Variants in PNPLA7 observed in about 807,000 individuals in gnomAD.
PNPLA7 encodes patatin like domain 7, lysophospholipase, also known as patatin-like phospholipase domain-containing protein 7.
In PNPLA7, 153 loss-of-function variants were observed where a neutral mutation model predicts 161.7. The ratio of observed to expected loss-of-function variants is 0.95; its 90% CI spans 0.83 to 1.08. The LOEUF is 1.08. Among genes scored for constraint, PNPLA7 ranks in the 50% least tolerant of loss-of-function variants. PNPLA7 has a pLI of 0.00. For synonymous variants in PNPLA7, 809 were observed against 782.1 expected (o/e 1.03, Z -0.57); for missense variants, 1,739 against 1,856.6 (o/e 0.94, Z 1.16).
chr9:137,460,207 A>G lies in PNPLA7; in HGVS notation c.*186T>C. ...CTCACAGGACTGCAGGGGGGCTCAC[A>G]GGGCCCTGTATGCAGGGCTGCTGGT... On this transcript the variant is annotated 3_prime_UTR_variant, in exon 35 of 35. Coordinates refer to ENST00000406427, the MANE Select transcript of PNPLA7 (RefSeq NM_001098537.3). 2 of 567,608 alleles carry G rather than the reference A, an allele frequency of 3.5e-6. No homozygotes were observed. The allele number at this position is 567,608 out of a possible 1,614,324, so 35.2% of individuals were successfully genotyped here.
At chr9:137,491,168 G>A (rs910036591) in intron 20 of PNPLA7, among the ~76,000 whole-genome samples, 1 of 152,170 alleles carries the variant, frequency 6.6e-6, no homozygotes, top group Non-Finnish European at 1.5e-5. Flanking sequence ...CTGAGGGGGG[G>A]GGAATCACTT....
intron 12 of PNPLA7, among the ~76,000 whole-genome samples, chr9:137,513,522 G>A (rs1834346825): frequency 6.6e-6 from 1 of 151,820 alleles, no homozygotes; most frequent in South Asian, 2.1e-4. Context: ...AATAGTCTTT[G>A]GAAAATTTAT....
intron 8 of PNPLA7, among the ~76,000 whole-genome samples, chr9:137,534,056 T>C (rs1172183783): frequency 6.8e-6 from 1 of 146,044 alleles, no homozygotes; most frequent in Non-Finnish European, 1.5e-5. Flanking sequence ...CCCAGACTCC[T>C]CCCCAACAGT....
intron 12 of PNPLA7, among the ~76,000 whole-genome samples, chr9:137,512,454 G>T (rs149031279): frequency 1.8e-3 from 281 of 152,378 alleles, no homozygotes; most frequent in Non-Finnish European, 2.4e-3. Context: ...GCAGGCAGCC[G>T]TGGTGGGGAG....
chr9:137,461,606 G>A lies in PNPLA7; in HGVS notation c.3771C>T (p.Pro1257=). ...CGGCAAGGTCCGTGAAGGAGGCGTT[G>A]GGACAGGTGAGGACCTAGGGGTGGG... ...KKPASAVLTC[P]NASFTDLAEI... The change falls in exon 33 of 35, where the codon CCC becomes CCT. Residue 1257 remains proline, a synonymous_variant. Coordinates refer to ENST00000406427, the MANE Select transcript of PNPLA7 (RefSeq NM_001098537.3). The A allele has an allele frequency of 6.2e-7, 1 of 1,612,424 alleles. No homozygotes were observed. Among genetic ancestry groups the A allele is most frequent in the Non-Finnish European group, 8.5e-7 (1 of 1,179,472 alleles).
chr9:137,514,025 G>A (rs146090206), intron 12 of PNPLA7, among the ~76,000 whole-genome samples: 114 of 152,374 alleles, frequency 7.5e-4, no homozygotes, highest in Middle Eastern at 3.4e-3. Flanking sequence ...AGGCTGCCCT[G>A]AAAATGCCCT....
chr9:137,479,596 G>T (rs1407990091), intron 23 of PNPLA7: 1 of 985,368 alleles, frequency 1.0e-6, no homozygotes, highest in Non-Finnish European at 1.2e-6. Context: ...ATACATCAGA[G>T]AGGAGGAATT....
chr9:137,479,402 A>G (rs1487075408), intron 23 of PNPLA7, 164 bp from the exon 24 acceptor site: 1 of 1,306,638 alleles, frequency 7.7e-7, no homozygotes, highest in Non-Finnish European at 9.7e-7. Flanking sequence ...GCGCTGCCGA[A>G]GCTCTGACGG....
chr9:137,538,616 G>A (rs545502877), intron 8 of PNPLA7, among the ~76,000 whole-genome samples: 3 of 152,362 alleles, frequency 2.0e-5, no homozygotes, highest in Admixed American at 6.5e-5. Flanking sequence ...TGCAAAAGGT[G>A]TAACTCAAAA....
Position 137,464,333 on chromosome 9 carries a change from G to T in PNPLA7, c.3156+7C>A. On this transcript the variant is annotated splice_region_variant and intron_variant, in intron 27 of 34. Transcript: ENST00000406427. ...GGCTGCATGGGCTCCTGAGGGTGGG[G>T]GTGCACCTCGATCTGCTGGTCCTTG... 6.2e-7 allele frequency: 1 copy of T among 1,612,386 alleles called. No homozygotes were observed. The highest frequency in any genetic ancestry group is 8.5e-7 in the Non-Finnish European group (1 of 1,178,886).
chr9:137,530,742 C>T (rs1158213772), intron 8 of PNPLA7, among the ~76,000 whole-genome samples: 3 of 152,188 alleles, frequency 2.0e-5, no homozygotes, highest in Non-Finnish European at 4.4e-5. Flanking sequence ...TCTTTGAGAG[C>T]CTGAATGAAG....
intron 32 of PNPLA7, 59 bp downstream of exon 32, chr9:137,461,872 G>A (rs951145129): frequency 2.0e-4 from 296 of 1,467,132 alleles, no homozygotes; most frequent in Non-Finnish European, 2.1e-4. Flanking sequence ...GCGTGGGCGT[G>A]GCCCGAAGAA....
Position 137,460,494 on chromosome 9 carries a change from G to A in PNPLA7, c.3946-18C>T, listed in dbSNP as rs1354667860. ...TCGTCCTCCTGCAAGCAGACCGCATGTTCCAGGTGAGGACCAGGCAGGGCA... is the reference window on the plus strand; with the variant it reads ...TCGTCCTCCTGCAAGCAGACCGCATATTCCAGGTGAGGACCAGGCAGGGCA... On this transcript the variant is annotated intron_variant, in intron 34 of 34. Coordinates refer to ENST00000406427, the MANE Select transcript of PNPLA7 (RefSeq NM_001098537.3). 1 of 1,611,862 alleles carries A rather than the reference G, an allele frequency of 6.2e-7. No individual in the cohort carries two copies. Among genetic ancestry groups the A allele is most frequent in the East Asian group, 2.2e-5 (1 of 44,886 alleles).
chr9:137,493,775 G>A (rs913867003), intron 19 of PNPLA7, among the ~76,000 whole-genome samples: 3 of 152,254 alleles, frequency 2.0e-5, no homozygotes, highest in African/African-American at 4.8e-5. Context: ...CAAAGATGGA[G>A]GAGTGGCCTG....
At chr9:137,527,298 A>T (rs1228614523) in intron 8 of PNPLA7, among the ~76,000 whole-genome samples, 2 of 132,242 alleles carry the variant, frequency 1.5e-5, no homozygotes, top group African/African-American at 6.1e-5. Context: ...AAAACAAAAA[A>T]ACAAAAAAAA....
At chr9:137,487,681 GT>G (rs1451262443) in intron 20 of PNPLA7, among the ~76,000 whole-genome samples, 4 of 152,236 alleles carry the variant, frequency 2.6e-5, no homozygotes, top group Non-Finnish European at 5.9e-5. Flanking sequence ...CTCCACACGT[GT>G]TCCTCCTGGC....
At position 137,481,008 on chromosome 9, in the gene PNPLA7, A is replaced by T; in HGVS notation, c.2363T>A (p.Leu788Gln). 1.3e-6 allele frequency: 2 copies of T among 1,551,680 alleles called. No homozygotes were observed. Among genetic ancestry groups the T allele is most frequent in the Non-Finnish European group, 1.7e-6 (2 of 1,146,972 alleles). ...GCGCCGTTTTATGTTGTCACTAGTC[A>T]GCAGCAGGGTCGGGCCTGAAAACAC... is the stretch of plus-strand genomic sequence containing the variant. ...ALSAIGPTLL[L>Q]TSDNIKRRLG... Residue 788 changes from leucine to glutamine, a missense_variant, in exon 22 of 35, where the codon CTG becomes CAG. By Grantham distance (113) the Leu-to-Gln change is moderately radical (BLOSUM62 -2). Coordinates refer to ENST00000406427, the MANE Select transcript of PNPLA7 (RefSeq NM_001098537.3).
At chr9:137,498,968 T>G (rs1588609277) in intron 16 of PNPLA7, among the ~76,000 whole-genome samples, 1 of 142,320 alleles carries the variant, frequency 7.0e-6, no homozygotes, top group African/African-American at 2.6e-5. Flanking sequence ...GCACAGGAGG[T>G]GGGGGAAGCT....
At chr9:137,471,555 G>A (rs936659955) in intron 25 of PNPLA7, among the ~76,000 whole-genome samples, 2 of 144,336 alleles carry the variant, frequency 1.4e-5, no homozygotes, top group East Asian at 2.0e-4. Context: ...CCGAGATCGC[G>A]CCACTGCACT....
Sources: gnomAD v4.1 joint callset for allele counts (sites outside exome capture counted in the v4.1 genomes callset) on GRCh38, gnomAD v4.1.1 for gene constraint, MANE v1.5 for transcripts, NCBI Gene and HGNC (gene_info 2026-07-23, HGNC 2026-07-21) for gene names.